Variants in TSHZ2 observed in about 807,000 individuals in gnomAD.
TSHZ2 encodes teashirt homolog 2.
A neutral mutation model predicts 74.4 loss-of-function variants in TSHZ2; 21 were observed. That is an observed-to-expected ratio of 0.28 (90% CI 0.20 to 0.41). The LOEUF (loss-of-function observed/expected upper bound fraction) is 0.41, where lower values mean the gene tolerates loss of function less well. Among genes scored for constraint, TSHZ2 ranks in the 10% least tolerant of loss-of-function variants. The pLI is 1.00. For missense variants in TSHZ2, 1,244 were observed against 1,293.5 expected (o/e 0.96, Z 0.59); for synonymous variants, 540 against 515.3 (o/e 1.05, Z -0.65).
At chr20:53,241,636 G>A (rs1331754604) in intron 1 of TSHZ2, among the ~76,000 whole-genome samples, 1 of 152,060 alleles carries the variant, frequency 6.6e-6, no homozygotes, top group Non-Finnish European at 1.5e-5. Flanking sequence ...GATTCTTCAT[G>A]ACTAGGTTTT....
chr20:53,342,955 CTTTTTTTTTTTTTTTT>C (rs1175907478), intron 2 of TSHZ2, among the ~76,000 whole-genome samples: 1 of 61,218 alleles, frequency 1.6e-5, no homozygotes, highest in African/African-American at 6.7e-5. Flanking sequence ...CTTTTCTTTT[CTTTTTTTTTTTTTTTT>C]TTTTTTTTTT....
chr20:53,425,938 C>CA (rs200759430), intron 2 of TSHZ2, among the ~76,000 whole-genome samples: 4,191 of 151,906 alleles, frequency 0.028, 195 homozygotes, highest in African/African-American at 0.096. Context: ...CTGCTGTCTC[C>CA]AAAAAAACCC....
intron 2 of TSHZ2, among the ~76,000 whole-genome samples, chr20:53,309,342 A>C (rs1375012505): frequency 6.6e-6 from 1 of 152,060 alleles, no homozygotes; most frequent in African/African-American, 2.4e-5. Flanking sequence ...CTGCCCTCCC[A>C]CCCCACTTCT....
Position 53,134,969 on chromosome 20 carries a change from AACACACAC to A in TSHZ2, c.41-118514_41-118507del, listed in dbSNP as rs34194089. Reference sequence around the variant, plus strand: ...CAGGCCATCTCTCCCCTGACAAAGAAACACACACACACACACACACACATACATGCACA... The same window carrying A: ...CAGGCCATCTCTCCCCTGACAAAGAAACACACACACACACATACATGCACA... On this transcript the variant is annotated intron_variant, in intron 1 of 2. Transcript: ENST00000371497. Among the ~76,000 whole-genome samples the A allele has an allele frequency of 5.7e-4, 82 of 143,246 alleles. 2 individuals are homozygous for A. In the East Asian group the frequency reaches 0.012, roughly 21 times the overall value. 94.0% of individuals were successfully genotyped at this position (143,246 alleles called of 152,430 possible). A position where few individuals can be genotyped will look rare whatever the true frequency, so the allele number is the denominator to read the frequency against.
At chr20:53,173,612 G>T (rs981809189) in intron 1 of TSHZ2, among the ~76,000 whole-genome samples, 4 of 151,744 alleles carry the variant, frequency 2.6e-5, no homozygotes, top group Admixed American at 2.0e-4. Context: ...CATCTCAAAA[G>T]AAAATTAATA....
intron 1 of TSHZ2, among the ~76,000 whole-genome samples, chr20:53,011,591 G>T (rs1004418430): frequency 2.0e-5 from 3 of 151,960 alleles, no homozygotes; most frequent in African/African-American, 4.8e-5. Flanking sequence ...GATTTTTTTT[G>T]AATATCAAAG....
chr20:53,257,489 A>G (rs1314324310), intron 2 of TSHZ2, among the ~76,000 whole-genome samples: 1 of 152,218 alleles, frequency 6.6e-6, no homozygotes, highest in Non-Finnish European at 1.5e-5. Context: ...CATTTGTGTC[A>G]TTTTTAGGAA....
intron 2 of TSHZ2, among the ~76,000 whole-genome samples, chr20:53,269,214 C>T (rs1370345561): frequency 6.6e-6 from 1 of 151,896 alleles, no homozygotes; most frequent in Non-Finnish European, 1.5e-5. Flanking sequence ...TCCCCTCAAC[C>T]CCCAGCCCTT....
At chr20:53,158,892 C>A (rs1057034469) in intron 1 of TSHZ2, among the ~76,000 whole-genome samples, 3 of 152,252 alleles carry the variant, frequency 2.0e-5, no homozygotes, top group Non-Finnish European at 2.9e-5. Context: ...AAAGCCACAA[C>A]AATCTTTCTT....
intron 2 of TSHZ2, among the ~76,000 whole-genome samples, chr20:53,450,539 C>T (rs1984736337): frequency 6.6e-6 from 1 of 152,134 alleles, no homozygotes; most frequent in Admixed American, 6.5e-5. Context: ...TTTTTTGAGG[C>T]AGGGCCTTGC....
At chr20:53,187,736 A>G (rs559893631) in intron 1 of TSHZ2, among the ~76,000 whole-genome samples, 1 of 145,432 alleles carries the variant, frequency 6.9e-6, no homozygotes, top group East Asian at 2.0e-4. Context: ...GCTGATGGGA[A>G]AGAAAAAAAA....
At chr20:53,207,119 A>C (rs1989187732) in intron 1 of TSHZ2, among the ~76,000 whole-genome samples, 2 of 152,148 alleles carry the variant, frequency 1.3e-5, no homozygotes, top group South Asian at 4.2e-4. Flanking sequence ...GATGCAGTTC[A>C]GAGGGATAAT....
chr20:53,272,192 A>G (rs1789875873), intron 2 of TSHZ2, among the ~76,000 whole-genome samples: 1 of 152,076 alleles, frequency 6.6e-6, no homozygotes, highest in African/African-American at 2.4e-5. Flanking sequence ...TTGTATATTT[A>G]GTAGAGATAA....
At chr20:52,999,727 A>G (rs1017604890) in intron 1 of TSHZ2, among the ~76,000 whole-genome samples, 11 of 152,214 alleles carry the variant, frequency 7.2e-5, no homozygotes, top group African/African-American at 2.7e-4. Flanking sequence ...TCATGTGCTC[A>G]GCTTTTCCTT....
chr20:53,355,111 C>G (rs1174805086), intron 2 of TSHZ2, among the ~76,000 whole-genome samples: 1 of 152,062 alleles, frequency 6.6e-6, no homozygotes, highest in African/African-American at 2.4e-5. Context: ...CAATAATGAT[C>G]AAGACAGGTC....
At chr20:53,043,054 T>C (rs6022250) in intron 1 of TSHZ2, among the ~76,000 whole-genome samples, 60,259 of 152,034 alleles carry the variant, frequency 0.4, 13,736 homozygotes, top group East Asian at 0.65. Context: ...AAATAAGAAA[T>C]ATTTTAATTT....
intron 2 of TSHZ2, among the ~76,000 whole-genome samples, chr20:53,359,536 G>A (rs937641701): frequency 1.3e-5 from 2 of 152,156 alleles, no homozygotes; most frequent in African/African-American, 4.8e-5. Context: ...ATTTTCATTT[G>A]CTAAATCTGG....
At chr20:53,430,287 TAG>T (rs1983794171) in intron 2 of TSHZ2, among the ~76,000 whole-genome samples, 2 of 151,906 alleles carry the variant, frequency 1.3e-5, no homozygotes, top group Admixed American at 6.6e-5. Flanking sequence ...GTATTTTTAG[TAG>T]AGACAGGGTT....
intron 2 of TSHZ2, chr20:53,461,448 C>G (rs886922189): frequency 6.5e-6 from 1 of 153,578 alleles, no homozygotes; most frequent in Non-Finnish European, 1.4e-5. Flanking sequence ...CTGGCACTCC[C>G]TAGTGAGATG....
Sources: allele counts gnomAD v4.1 joint callset (sites outside exome capture counted in the v4.1 genomes callset), GRCh38; gene constraint gnomAD v4.1.1; transcripts MANE v1.5; gene names NCBI Gene and HGNC (gene_info 2026-07-23, HGNC 2026-07-21).